The following SWT1 variants were observed in gnomAD, a reference collection of about 807,000 sequenced individuals.
SWT1 encodes the protein SWT1 RNA endoribonuclease homolog.
A neutral mutation model predicts 107.3 loss-of-function variants in SWT1; 33 were observed. That is an observed-to-expected ratio of 0.31 (90% confidence interval 0.23 to 0.41). SWT1 has a LOEUF of 0.41. Among genes scored for constraint, SWT1 ranks in the 10% least tolerant of loss-of-function variants. The pLI, the probability that SWT1 is intolerant of heterozygous loss-of-function variation, is 1.00. For missense variants in SWT1, 898 were observed against 1,028.9 expected, an observed-to-expected ratio of 0.87 and a Z score of 1.74; for synonymous variants, 345 against 348.3, an observed-to-expected ratio of 0.99 and a Z score of 0.11.
chr1:185,211,136 C>T (rs1012708429), intron 13 of SWT1, among the ~76,000 whole-genome samples: 5 of 152,128 alleles, frequency 3.3e-5, no homozygotes, highest in African/African-American at 9.7e-5. Context: ...TTTATAGATT[C>T]AGTGCTATCC....
chr1:185,223,074 G>T (rs1262058450), intron 15 of SWT1, among the ~76,000 whole-genome samples: 1 of 152,206 alleles, frequency 6.6e-6, no homozygotes, highest in Non-Finnish European at 1.5e-5. Context: ...CCAGTAATGG[G>T]ATTGCTGGAT....
chr1:185,241,067 T>C (rs893393522), intron 16 of SWT1, among the ~76,000 whole-genome samples: 3 of 152,114 alleles, frequency 2.0e-5, no homozygotes, highest in Non-Finnish European at 2.9e-5. Flanking sequence ...TCTTAAGATT[T>C]TGGAAAAGGT....
chr1:185,176,438 C>CA, intron 5 of SWT1: 1 of 361,264 alleles, frequency 2.8e-6, no homozygotes, highest in Non-Finnish European at 3.8e-6. Flanking sequence ...GAGGGAGCTA[C>CA]ATGAGCAGGG....
At chr1:185,175,594 G>A (rs1215803497) in intron 5 of SWT1, among the ~76,000 whole-genome samples, 10 of 152,252 alleles carry the variant, frequency 6.6e-5, no homozygotes, top group Non-Finnish European at 4.4e-5. Flanking sequence ...ATGAAGATAT[G>A]TGTTGGTTTC....
chr1:185,226,282 T>G (rs1660047330), intron 15 of SWT1, among the ~76,000 whole-genome samples: 1 of 152,234 alleles, frequency 6.6e-6, no homozygotes, highest in Non-Finnish European at 1.5e-5. Flanking sequence ...ATTGCCTTAT[T>G]AATACATATT....
chr1:185,226,691 A>G lies in SWT1; in HGVS notation c.2309+4655A>G, dbSNP rs553094153. On this transcript the variant is annotated intron_variant, in intron 15 of 18. Transcript: ENST00000367500. Reference sequence around the variant, plus strand: ...AAATTAAAACAAACAAAAACAAACAAACAAAAGCTTCCCTGCTATTTCTCA... The same window carrying G: ...AAATTAAAACAAACAAAAACAAACAGACAAAAGCTTCCCTGCTATTTCTCA... The G allele has an allele frequency of 5.4e-5, 24 of 448,274 alleles. 1 individual carries two copies. Among genetic ancestry groups the G allele is most frequent in the East Asian group, 3.2e-4 (9 of 28,504 alleles). The allele number at this position is 448,274 out of a possible 1,614,324, so 27.8% of individuals were successfully genotyped here.
At chr1:185,211,776 A>G (rs904107595) in intron 13 of SWT1, among the ~76,000 whole-genome samples, 1 of 152,188 alleles carries the variant, frequency 6.6e-6, no homozygotes, top group Non-Finnish European at 1.5e-5. Context: ...TTGTGGCACT[A>G]TTCACAATAG....
At chr1:185,227,193 C>G in intron 15 of SWT1, 1 of 865,972 alleles carries the variant, frequency 1.2e-6, no homozygotes, top group Non-Finnish European at 1.9e-6. Context: ...AGACAAGCAT[C>G]CATCCACAGC....
chr1:185,260,089 A>G (rs1662915472), intron 16 of SWT1, among the ~76,000 whole-genome samples: 1 of 152,176 alleles, frequency 6.6e-6, no homozygotes, highest in South Asian at 2.1e-4. Context: ...GGGAAAGGAA[A>G]ACAATGGTTA....
At chr1:185,216,744 C>G (rs927186414) in intron 14 of SWT1, among the ~76,000 whole-genome samples, 1 of 151,904 alleles carries the variant, frequency 6.6e-6, no homozygotes, top group Non-Finnish European at 1.5e-5. Context: ...CTAAGGGCAG[C>G]AGTTCAGGAC....
chr1:185,243,646 G>A (rs746568471), intron 16 of SWT1, among the ~76,000 whole-genome samples: 9 of 152,170 alleles, frequency 5.9e-5, no homozygotes, highest in South Asian at 2.1e-4. Flanking sequence ...ATTTTGATGC[G>A]CCAATCCCTG....
chr1:185,264,156 A>G (rs1328957472), intron 16 of SWT1: 1 of 169,946 alleles, frequency 5.9e-6, no homozygotes, highest in Non-Finnish European at 1.2e-5. Context: ...TTCTCTACTA[A>G]TAACAATCAT....
intron 15 of SWT1, among the ~76,000 whole-genome samples, chr1:185,230,750 G>T (rs1227295094): frequency 1.3e-5 from 2 of 151,908 alleles, no homozygotes; most frequent in East Asian, 1.9e-4. Flanking sequence ...GTGTGTGTGT[G>T]TGTTTGTTTT....
At position 185,174,517 on chromosome 1, in the gene SWT1, A is replaced by G; in HGVS notation, c.370A>G (p.Ile124Val). 1 of 1,611,276 alleles carries G rather than the reference A, an allele frequency of 6.2e-7. No homozygotes were observed. Among genetic ancestry groups the G allele is most frequent in the Non-Finnish European group, 8.5e-7 (1 of 1,179,120 alleles). The change falls in exon 5 of 19, where the codon ATA (isoleucine) becomes GTA (valine). Residue 124 changes from isoleucine to valine, a missense_variant. Ile to Val is a conservative substitution (Grantham distance 29, BLOSUM62 3). This residue lies in a region of SWT1 where 382 missense variants were observed against 362.4 expected (regional missense o/e 1.05). Coordinates refer to ENST00000367500, the MANE Select transcript of SWT1 (RefSeq NM_017673.7). ...TTCTTCAAATGGAACTAAAAAAGACATACATAAATGTGTAGACTTTAAACC... is the reference window on the plus strand; with the variant it reads ...TTCTTCAAATGGAACTAAAAAAGACGTACATAAATGTGTAGACTTTAAACC... ...SPSSNGTKKD[I>V]HKCVDFKPKD...
At chr1:185,192,542 T>C (rs1376703105) in intron 10 of SWT1, among the ~76,000 whole-genome samples, 2 of 151,920 alleles carry the variant, frequency 1.3e-5, no homozygotes, top group Non-Finnish European at 2.9e-5. Flanking sequence ...CCTCAGCCCC[T>C]GAGTAGCTGA....
chr1:185,281,277 T>C (rs1664599695), intron 18 of SWT1: 1 of 215,508 alleles, frequency 4.6e-6, no homozygotes, highest in Admixed American at 5.2e-5. Context: ...CAGAAGCATA[T>C]ATTGTGGAAG....
At chr1:185,175,607 T>A (rs1468146559) in intron 5 of SWT1, among the ~76,000 whole-genome samples, 1 of 152,234 alleles carries the variant, frequency 6.6e-6, no homozygotes, top group Non-Finnish European at 1.5e-5. Context: ...TTGGTTTCTT[T>A]ATTTTACTCT....
chr1:185,227,390 C>A, intron 15 of SWT1: 1 of 696,306 alleles, frequency 1.4e-6, no homozygotes, highest in South Asian at 1.4e-5. Context: ...GGGCCAGCAG[C>A]AGGCCAGTAC....
chr1:185,255,293 G>C (rs952730146), intron 16 of SWT1, among the ~76,000 whole-genome samples: 1 of 149,640 alleles, frequency 6.7e-6, no homozygotes, highest in African/African-American at 2.5e-5. Context: ...ATGTCTATTA[G>C]GTCCACTTGG....
Sources: allele counts gnomAD v4.1 joint callset (sites outside exome capture counted in the v4.1 genomes callset), GRCh38; gene constraint gnomAD v4.1.1; regional missense constraint gnomAD v4.1.1; transcripts MANE v1.5; gene names NCBI Gene and HGNC (gene_info 2026-07-23, HGNC 2026-07-21).